The following EVC2 variants were observed in gnomAD, a reference collection of about 807,000 sequenced individuals.
EVC2 encodes EvC ciliary complex subunit 2.
A neutral mutation model predicts 149.3 loss-of-function variants in EVC2; 148 were observed. The observed-to-expected ratio is 0.99, with a 90% CI of 0.87 to 1.14. EVC2 has a LOEUF of 1.14. Ranked by LOEUF, EVC2 falls within the 50% of genes most tolerant of loss-of-function variation. The pLI is 0.00. For synonymous variants in EVC2, 776 were observed against 649.9 expected (o/e 1.19, Z -2.95); for missense variants, 1,854 against 1,627.3 (o/e 1.14, Z -2.40).
At chr4:5,568,941 G>T (rs939265070) in intron 19 of EVC2, among the ~76,000 whole-genome samples, 2 of 152,218 alleles carry the variant, frequency 1.3e-5, no homozygotes, top group African/African-American at 4.8e-5. Flanking sequence ...CAAAATGAAT[G>T]TACTTTCTCC....
intron 9 of EVC2, among the ~76,000 whole-genome samples, chr4:5,645,612 A>G (rs1717654561): frequency 6.6e-6 from 1 of 152,218 alleles, no homozygotes; most frequent in African/African-American, 2.4e-5. Flanking sequence ...TAACGGCTGC[A>G]TAGTATTCCA....
At chr4:5,573,271 G>T (rs1210356506) in intron 19 of EVC2, among the ~76,000 whole-genome samples, 2 of 152,192 alleles carry the variant, frequency 1.3e-5, no homozygotes, top group Admixed American at 1.3e-4. Flanking sequence ...CCTTGAGATA[G>T]GGTGGGAAAG....
Position 5,563,008 on chromosome 4 carries a change from G to A in EVC2, c.3767C>T (p.Pro1256Leu), listed in dbSNP as rs746589846. ...LEPIGELAPV[P>L]IVGAETIDLL... is the part of the protein sequence containing the mutation. ...ATCAATGGTTTCTGCCCCTACAATG[G>A]GTACAGGGGCCAGTTCGCCAATGGG... Residue 1256 changes from proline (P) to leucine (L), a missense_variant, in exon 22 of 22, where the codon CCC becomes CTC. Physicochemically the swap from Pro to Leu is moderately conservative, Grantham distance 98. Transcript: ENST00000344408. The A allele has an allele frequency of 6.2e-7, 1 of 1,614,192 alleles. No individual in the cohort carries two copies.
chr4:5,622,661 C>A lies in EVC2; in HGVS notation c.2377G>T (p.Gly793Trp), dbSNP rs141172036. The A allele has an allele frequency of 8.7e-6, 14 of 1,614,010 alleles. No homozygotes were observed. In the South Asian group the frequency reaches 8.8e-5, roughly 10 times the overall value. ...TCCTGGTCCCTGTCCCTCTCCTCCC[C>A]CTCCAGCTGCTCGGCCCGTGCAGCC... ...EMAARAEQLE[G>W]EERDRDQEGV... Residue 793 changes from glycine (G) to tryptophan (W), a missense_variant, in exon 14 of 22, where the codon GGG becomes TGG. Coordinates refer to ENST00000344408, the MANE Select transcript of EVC2 (RefSeq NM_147127.5). This position sits in a 1 kb window ranked among gnomAD's most constrained non-coding sequence, Gnocchi z 5.8.
intron 10 of EVC2, among the ~76,000 whole-genome samples, chr4:5,639,869 T>C (rs1717189506): frequency 6.6e-6 from 1 of 152,176 alleles, no homozygotes; most frequent in Non-Finnish European, 1.5e-5. Context: ...ATTTTTTACG[T>C]GAACTGATTT....
intron 7 of EVC2, among the ~76,000 whole-genome samples, chr4:5,668,005 G>A (rs116248669): frequency 0.024 from 3,601 of 152,254 alleles, 138 homozygotes; most frequent in African/African-American, 0.082. Context: ...AGCAGCCTTC[G>A]GTTTGATATG....
At chr4:5,705,570 CTGTTT>C (rs1722078387) in intron 1 of EVC2, among the ~76,000 whole-genome samples, 1 of 151,708 alleles carries the variant, frequency 6.6e-6, no homozygotes, top group Non-Finnish European at 1.5e-5. Context: ...TAAACTAAAA[CTGTTT>C]TATTTTCTAA....
chr4:5,608,800 T>C (rs1714600304), intron 16 of EVC2, among the ~76,000 whole-genome samples: 1 of 152,120 alleles, frequency 6.6e-6, no homozygotes, highest in Non-Finnish European at 1.5e-5. Context: ...CCCAAAGTGC[T>C]GGGATTACAG....
At chr4:5,610,163 C>T (rs576425407) in intron 16 of EVC2, among the ~76,000 whole-genome samples, 1 of 152,250 alleles carries the variant, frequency 6.6e-6, no homozygotes, top group African/African-American at 2.4e-5. Context: ...TCTCAGTACA[C>T]CTCACTAGCA....
At chr4:5,609,544 G>A (rs1334653303) in intron 16 of EVC2, among the ~76,000 whole-genome samples, 2 of 152,288 alleles carry the variant, frequency 1.3e-5, no homozygotes, top group East Asian at 3.9e-4. Context: ...TCTTTGTGAG[G>A]CCTGGATCAC....
intron 21 of EVC2, among the ~76,000 whole-genome samples, chr4:5,564,888 C>G (rs1722175227): frequency 6.6e-6 from 1 of 152,180 alleles, no homozygotes; most frequent in African/African-American, 2.4e-5. Flanking sequence ...CTCTTCTGAC[C>G]TCCCTGAGCT....
At chr4:5,585,514 A>G (rs1283507059) in intron 16 of EVC2, among the ~76,000 whole-genome samples, 2 of 152,222 alleles carry the variant, frequency 1.3e-5, no homozygotes, top group African/African-American at 4.8e-5. Flanking sequence ...TAAGCTCTGC[A>G]TGCCTACGCT....
At chr4:5,539,731 AAG>A (rs1411491233), downstream of EVC2, among the ~76,000 whole-genome samples, 8 of 152,210 alleles carry the variant, frequency 5.3e-5, no homozygotes, top group East Asian at 1.9e-4. Flanking sequence ...TGTGCAAACA[AAG>A]AGAAAGGAAC....
intron 9 of EVC2, among the ~76,000 whole-genome samples, chr4:5,659,590 G>A (rs894788633): frequency 6.6e-5 from 10 of 152,104 alleles, no homozygotes; most frequent in African/African-American, 2.2e-4. Flanking sequence ...GATAATCAAT[G>A]CTAAACACTC....
intron 9 of EVC2, among the ~76,000 whole-genome samples, chr4:5,652,739 T>C (rs541522233): frequency 1.3e-5 from 2 of 152,302 alleles, no homozygotes; most frequent in Admixed American, 1.3e-4. Context: ...GGTACTCTGC[T>C]GTCCTGCAGA....
In EVC2 at chr4:5,689,143, C is replaced by T. The variant is rs140002071; in HGVS notation, c.706+14G>A. 1.2e-5 allele frequency: 19 copies of T among 1,613,830 alleles called. No individual in the cohort carries two copies. The highest frequency in any genetic ancestry group is 4.5e-5 in the East Asian group (2 of 44,886). On this transcript the variant is annotated intron_variant, in intron 5 of 21. Transcript: ENST00000344408. ...TCATTTGTCATCCCTGACTTCAGAA[C>T]GCTTTGCTGTTACCTTGCAGAAACT...
At position 5,677,159 on chromosome 4, in the gene EVC2, T is replaced by C. The variant is rs184906640; in HGVS notation, c.870+4101A>G. ...GTGCCAGGCACTGTGCTGAGTACTT[T>C]ACAGCCCTTGATCCATTTACCTCAA... On this transcript the variant is annotated intron_variant, in intron 7 of 21. Transcript: ENST00000344408. This position sits in a 1 kb window ranked among gnomAD's most constrained non-coding sequence, Gnocchi z 4.3. 1.1e-3 allele frequency among the ~76,000 whole-genome samples: 169 copies of C among 152,320 alleles called. No individual in the cohort carries two copies. The highest frequency in any genetic ancestry group is 3.9e-3 in the African/African-American group (163 of 41,564).
chr4:5,531,207 C>T, the EVC2 span, among the ~76,000 whole-genome samples: 1 of 152,142 alleles, frequency 6.6e-6, no homozygotes, highest in East Asian at 1.9e-4. Context: ...GTCCCAGGTT[C>T]ACTAAGGCAT....
At chr4:5,626,479 G>A (rs894996044) in intron 12 of EVC2, among the ~76,000 whole-genome samples, 1 of 151,398 alleles carries the variant, frequency 6.6e-6, no homozygotes, top group African/African-American at 2.4e-5. Context: ...GATTACAGGC[G>A]CGTGCCACCA....
Sources: gnomAD v4.1 joint callset for allele counts (sites outside exome capture counted in the v4.1 genomes callset) on GRCh38, gnomAD v4.1.1 for gene constraint, Gnocchi (gnomAD v3.1) non-coding constraint, MANE v1.5 for transcripts, NCBI Gene and HGNC (gene_info 2026-07-23, HGNC 2026-07-21) for gene names.